The following C12orf56 variants were observed in gnomAD, a reference collection of about 807,000 sequenced individuals.
C12orf56 encodes the protein chromosome 12 open reading frame 56, also known as uncharacterized protein C12orf56.
Under a neutral mutation model 69.9 loss-of-function variants are expected in C12orf56, and 71 were observed. That is an observed-to-expected ratio of 1.02 (90% CI 0.84 to 1.24). The LOEUF is 1.24. Among genes scored for constraint, C12orf56 ranks in the 50% most tolerant of loss-of-function variants. The pLI is 0.00. For synonymous variants in C12orf56, 276 were observed against 274.1 expected (o/e 1.01, Z -0.07); for missense variants, 732 against 738.5 (o/e 0.99, Z 0.10).
chr12:64,335,436 A>T (rs1041115464), intron 2 of C12orf56, among the ~76,000 whole-genome samples: 8 of 145,142 alleles, frequency 5.5e-5, no homozygotes, highest in Non-Finnish European at 1.1e-4. Context: ...AAAAAAAAAA[A>T]AAAGAGCTTT....
Position 64,366,233 on chromosome 12 carries a change from A to T in C12orf56, c.253-13177T>A, listed in dbSNP as rs181425495. Among the ~76,000 whole-genome samples, 265 of 118,052 alleles carry T rather than the reference A, an allele frequency of 2.2e-3. 34 individuals are homozygous for T. Among genetic ancestry groups the T allele is most frequent in the African/African-American group, 8.7e-3 (253 of 29,076 alleles). 77.4% of individuals were successfully genotyped at this position (118,052 alleles called of 152,430 possible). A position where few individuals can be genotyped will look rare whatever the true frequency, so the allele number is the denominator to read the frequency against. On this transcript the variant is annotated intron_variant, in intron 1 of 12. Coordinates refer to ENST00000543942, the MANE Select transcript of C12orf56 (RefSeq NM_001170633.2). Reference sequence around the variant, plus strand: ...AATATACAGTTTATATATTATATATAATATACAGTTTATATATTATATATA... The same window carrying T: ...AATATACAGTTTATATATTATATATTATATACAGTTTATATATTATATATA...
intron 2 of C12orf56, among the ~76,000 whole-genome samples, chr12:64,339,532 G>A (rs769797871): frequency 5.9e-5 from 9 of 151,998 alleles, no homozygotes; most frequent in Non-Finnish European, 5.9e-5. Flanking sequence ...TCCAAACCCC[G>A]TCATTTAAGG....
chr12:64,273,563 T>G (rs1400749704), intron 11 of C12orf56, among the ~76,000 whole-genome samples: 1 of 152,178 alleles, frequency 6.6e-6, no homozygotes, highest in Non-Finnish European at 1.5e-5. Flanking sequence ...GAGAAAGACA[T>G]TGTATCAGTC....
chr12:64,350,836 A>G (rs534451455), intron 2 of C12orf56, among the ~76,000 whole-genome samples: 53 of 152,360 alleles, frequency 3.5e-4, no homozygotes, highest in African/African-American at 1.2e-3. Flanking sequence ...TAATCAGGCC[A>G]AATATAAGAC....
At chr12:64,343,301 C>T (rs2135941037) in intron 2 of C12orf56, among the ~76,000 whole-genome samples, 1 of 152,286 alleles carries the variant, frequency 6.6e-6, no homozygotes, top group South Asian at 2.1e-4. Flanking sequence ...GTGTTTGCTA[C>T]TTCTTGCTCA....
intron 1 of C12orf56, among the ~76,000 whole-genome samples, chr12:64,373,645 T>C (rs572128465): frequency 3.9e-5 from 6 of 152,266 alleles, no homozygotes; most frequent in Admixed American, 3.9e-4. Flanking sequence ...AACTCTCCAG[T>C]CTCCACTAAA....
chr12:64,362,918 G>A lies in C12orf56; in HGVS notation c.253-9862C>T, dbSNP rs148348615. On this transcript the variant is annotated intron_variant, in intron 1 of 12. Transcript: ENST00000543942. Reference sequence around the variant, plus strand: ...GGCATTCGTAAACTGACATGTCACTGGTGGAGTGTAGCAGTGAGGACAACC... The same window carrying A: ...GGCATTCGTAAACTGACATGTCACTAGTGGAGTGTAGCAGTGAGGACAACC... Among the ~76,000 whole-genome samples the A allele has an allele frequency of 3.9e-5, 6 of 152,240 alleles. No individual in the cohort carries two copies. In the East Asian group the frequency reaches 1.2e-3, roughly 29 times the overall value.
intron 4 of C12orf56, among the ~76,000 whole-genome samples, chr12:64,318,211 C>T (rs944546981): frequency 6.6e-6 from 1 of 152,040 alleles, no homozygotes; most frequent in African/African-American, 2.4e-5. Flanking sequence ...CCGGCGCGCA[C>T]CACCACATCC....
chr12:64,279,399 G>C (rs552753783), intron 8 of C12orf56, among the ~76,000 whole-genome samples: 2 of 152,288 alleles, frequency 1.3e-5, no homozygotes, highest in South Asian at 4.1e-4. Context: ...AAAAGCAGCT[G>C]AAGGCAGACT....
chr12:64,355,824 G>A (rs987266381), intron 1 of C12orf56: 1 of 152,356 alleles, frequency 6.6e-6, no homozygotes, highest in African/African-American at 2.4e-5. Context: ...TCACACATGA[G>A]TGTGAAAACC....
rs1386964854 is a variant in C12orf56, at chr12:64,367,071, C to G, written c.253-14015G>C. Among the ~76,000 whole-genome samples the G allele has an allele frequency of 3.4e-4, 3 of 8,764 alleles. 1 individual carries two copies. The highest frequency in any genetic ancestry group is 6.8e-4 in the African/African-American group (2 of 2,944). 5.7% of individuals were successfully genotyped at this position (8,764 alleles called of 152,430 possible). ...CTTTATATATTATATATAACATACA[C>G]TTTATATATTATATATAACATACAC... On this transcript the variant is annotated intron_variant, in intron 1 of 12. Coordinates refer to ENST00000543942, the MANE Select transcript of C12orf56 (RefSeq NM_001170633.2).
chr12:64,354,882 C>A (rs1213293983), intron 1 of C12orf56, among the ~76,000 whole-genome samples: 4 of 150,592 alleles, frequency 2.7e-5, no homozygotes, highest in Non-Finnish European at 3.0e-5. Flanking sequence ...AGTTCGAGAC[C>A]AGCCTGACCA....
intron 2 of C12orf56, chr12:64,338,753 T>C (rs1360603981): frequency 5.6e-6 from 8 of 1,439,184 alleles, no homozygotes; most frequent in Non-Finnish European, 7.8e-6. Flanking sequence ...AGCCATCATA[T>C]GCTTTATCTG....
chr12:64,365,663 G>A (rs2039457835), intron 1 of C12orf56, among the ~76,000 whole-genome samples: 1 of 146,092 alleles, frequency 6.8e-6, no homozygotes, highest in South Asian at 2.1e-4. Context: ...ACTTTGGGAG[G>A]CTCAGGTATA....
At chr12:64,287,401 GGTTA>G (rs1339885586) in intron 6 of C12orf56, among the ~76,000 whole-genome samples, 1 of 145,592 alleles carries the variant, frequency 6.9e-6, no homozygotes, top group Non-Finnish European at 1.5e-5. Context: ...ACATTGTGCA[GGTTA>G]GTTACATATG....
chr12:64,381,761 G>A (rs1409104936), intron 1 of C12orf56, among the ~76,000 whole-genome samples: 2 of 152,140 alleles, frequency 1.3e-5, no homozygotes, highest in Non-Finnish European at 2.9e-5. Context: ...GGGTCAGAAA[G>A]TTCATGAATA....
intron 1 of C12orf56, among the ~76,000 whole-genome samples, chr12:64,370,819 A>G (rs1220402684): frequency 6.6e-6 from 1 of 152,168 alleles, no homozygotes; most frequent in Non-Finnish European, 1.5e-5. Flanking sequence ...TAAGGTACTA[A>G]TGTGAAAACA....
At chr12:64,361,220 A>G (rs533294835) in intron 1 of C12orf56, among the ~76,000 whole-genome samples, 1 of 152,278 alleles carries the variant, frequency 6.6e-6, no homozygotes, top group East Asian at 1.9e-4. Flanking sequence ...TCCATCTCAG[A>G]AAAAGAAAAT....
chr12:64,342,226 A>G (rs2039083199), intron 2 of C12orf56, among the ~76,000 whole-genome samples: 1 of 152,236 alleles, frequency 6.6e-6, no homozygotes. Context: ...ACCATTGGCT[A>G]CAGCCCATGA....
Sources: allele counts gnomAD v4.1 joint callset (sites outside exome capture counted in the v4.1 genomes callset), GRCh38; gene constraint gnomAD v4.1.1; transcripts MANE v1.5; gene names NCBI Gene and HGNC (gene_info 2026-07-23, HGNC 2026-07-21).